GSDME: variants seen among roughly 807,000 people sequenced by gnomAD.
GSDME encodes the protein gasdermin-E.
In GSDME, 44 loss-of-function variants were observed where a neutral mutation model predicts 47.5. That is an observed-to-expected ratio of 0.93 (90% CI 0.73 to 1.19). The LOEUF (loss-of-function observed/expected upper bound fraction) is 1.19. Among genes scored for constraint, GSDME ranks in the 50% most tolerant of loss-of-function variants. GSDME has a pLI of 0.00. For synonymous variants in GSDME, 258 were observed against 252.8 expected, an observed-to-expected ratio of 1.02 and a Z score of -0.20; for missense variants, 663 against 604.2, an observed-to-expected ratio of 1.10 and a Z score of -1.02.
intron 5 of GSDME, 72 bp from the exon 6 acceptor site, chr7:24,710,460 C>A (rs1382667761): frequency 6.7e-7 from 1 of 1,490,118 alleles, no homozygotes; most frequent in Non-Finnish European, 9.4e-7. Flanking sequence ...TGGACAGGGT[C>A]AGCCCAGCCT....
At chr7:24,778,804 C>T in the GSDME span, among the ~76,000 whole-genome samples, 2 of 152,204 alleles carry the variant, frequency 1.3e-5, no homozygotes, top group African/African-American at 4.8e-5. This position sits in a 1 kb window ranked among gnomAD's most constrained non-coding sequence, Gnocchi z 5.6. Context: ...CGTGGCCACT[C>T]CTAGCAGGAA....
In GSDME at chr7:24,742,023, A is replaced by C. The variant is rs1375334667; in HGVS notation, c.404+2539T>G. Among the ~76,000 whole-genome samples the C allele has an allele frequency of 6.6e-6, 1 of 152,078 alleles. No individual in the cohort carries two copies. The highest frequency in any genetic ancestry group is 1.5e-5 in the Non-Finnish European group (1 of 68,002). ...CATGCTTCTGGTGGCACCACTCCCC[A>C]GGGCATCCCTTCCCCCATCACCACT... On this transcript the variant is annotated intron_variant, in intron 3 of 9. Coordinates refer to ENST00000645220, the MANE Select transcript of GSDME (RefSeq NM_001127453.2). The surrounding 1 kb of genome is among the most constrained non-coding windows in gnomAD (Gnocchi z 4.4).
At chr7:24,770,953 A>AAG in the GSDME span, among the ~76,000 whole-genome samples, 3 of 151,726 alleles carry the variant, frequency 2.0e-5, no homozygotes, top group Admixed American at 2.0e-4. The surrounding 1 kb of genome is among the most constrained non-coding windows in gnomAD (Gnocchi z 4.6). Flanking sequence ...GAAATATAAG[A>AAG]AGAGAGAGAG....
rs894048957 is a variant in GSDME, at chr7:24,756,386, G to C, written c.-20+1010C>G. Among the ~76,000 whole-genome samples, 1 of 152,130 alleles carries C rather than the reference G, an allele frequency of 6.6e-6. No homozygotes were observed. The highest frequency in any genetic ancestry group is 1.5e-5 in the Non-Finnish European group (1 of 68,006). The stretch of plus-strand genomic sequence containing the variant: ...AACAATAACAAAGAACCTAGCCAAG[G>C]GACCGTGGCTAGGGGGTTGGGCCCT... On this transcript the variant is annotated intron_variant, in intron 1 of 9. Coordinates refer to ENST00000645220, the MANE Select transcript of GSDME (RefSeq NM_001127453.2). The surrounding 1 kb of genome is among the most constrained non-coding windows in gnomAD (Gnocchi z 4.2).
At chr7:24,707,422 T>C (rs1356603335) in intron 7 of GSDME, 2 of 471,488 alleles carry the variant, frequency 4.2e-6, no homozygotes, top group African/African-American at 2.0e-5. Context: ...AGGATATCCT[T>C]CTGCTGCAAA....
intron 3 of GSDME, among the ~76,000 whole-genome samples, 188 bp from the exon 4 acceptor site, chr7:24,719,406 C>A (rs761312092): frequency 6.6e-6 from 1 of 152,152 alleles, no homozygotes; most frequent in Non-Finnish European, 1.5e-5. Flanking sequence ...GAGGCCACCT[C>A]AGAGCTGCCG....
rs1789386683 is a variant in GSDME at position 24,712,309 on chromosome 7, C to A, written c.698-1921G>T. Among the ~76,000 whole-genome samples, 1 of 152,154 alleles carries A rather than the reference C, an allele frequency of 6.6e-6. No individual in the cohort carries two copies. The highest frequency in any genetic ancestry group is 2.4e-5 in the African/African-American group (1 of 41,432). ...CCTGAGGACAGGAGCCTTGACCATT[C>A]ACACAGCCTCAAATTCTGCCAGAAG... is the stretch of plus-strand genomic sequence containing the variant. On this transcript the variant is annotated intron_variant, in intron 5 of 9. Coordinates refer to ENST00000645220, the MANE Select transcript of GSDME (RefSeq NM_001127453.2). The surrounding 1 kb of genome is among the most constrained non-coding windows in gnomAD (Gnocchi z 4.4).
chr7:24,719,655 T>C (rs111278400), intron 3 of GSDME, among the ~76,000 whole-genome samples: 3,649 of 152,096 alleles, frequency 0.024, 164 homozygotes, highest in African/African-American at 0.084. Flanking sequence ...TAGCCAGGCG[T>C]GGTGGCACAC....
chr7:24,757,695 T>C (rs1394716201), upstream of GSDME: 1 of 152,232 alleles, frequency 6.6e-6, no homozygotes, highest in Non-Finnish European at 1.5e-5. The surrounding 1 kb of genome is among the most constrained non-coding windows in gnomAD (Gnocchi z 5.9). Context: ...CCGCGCGCTT[T>C]TCGGGACTCA....
chr7:24,722,800 G>A (rs1789838015), intron 3 of GSDME, among the ~76,000 whole-genome samples: 1 of 152,242 alleles, frequency 6.6e-6, no homozygotes, highest in African/African-American at 2.4e-5. Context: ...AAAGAGAGGG[G>A]CAGCCATCTA....
At chr7:24,706,065 A>C (rs1713346898) in intron 8 of GSDME, 119 bp downstream of exon 8, 13 of 1,248,492 alleles carry the variant, frequency 1.0e-5, no homozygotes, top group Non-Finnish European at 1.3e-5. Flanking sequence ...CCAGAAGGGA[A>C]GGACCTGTAT....
intron 5 of GSDME, among the ~76,000 whole-genome samples, chr7:24,713,021 A>C (rs927931511): frequency 6.6e-6 from 1 of 151,620 alleles, no homozygotes; most frequent in Non-Finnish European, 1.5e-5. Context: ...TCAGTCTCAA[A>C]AAAAAAAAAA....
At chr7:24,730,949 C>G (rs1562704847) in intron 3 of GSDME, among the ~76,000 whole-genome samples, 1 of 152,218 alleles carries the variant, frequency 6.6e-6, no homozygotes, top group Non-Finnish European at 1.5e-5. Context: ...CACCTTTACA[C>G]TGTGAAAGGA....
At chr7:24,719,621 T>G (rs1789701021) in intron 3 of GSDME, among the ~76,000 whole-genome samples, 1 of 151,478 alleles carries the variant, frequency 6.6e-6, no homozygotes, top group Non-Finnish European at 1.5e-5. Context: ...GGTGAAACCC[T>G]GTCTCCACCA....
At chr7:24,750,054 G>T (rs1171403582) in intron 1 of GSDME, among the ~76,000 whole-genome samples, 2 of 152,190 alleles carry the variant, frequency 1.3e-5, no homozygotes, top group Non-Finnish European at 2.9e-5. Flanking sequence ...TACAATAAGG[G>T]TTTATTTGTT....
Position 24,744,761 on chromosome 7 carries a change from TGGA to T in GSDME, c.212-10_212-8del, listed in dbSNP as rs1790597489. On this transcript the variant is annotated splice_region_variant and splice_polypyrimidine_tract_variant and intron_variant, in intron 2 of 9. Coordinates refer to ENST00000645220, the MANE Select transcript of GSDME (RefSeq NM_001127453.2). This position sits in a 1 kb window ranked among gnomAD's most constrained non-coding sequence, Gnocchi z 4.5. Reference sequence around the variant, plus strand: ...AAGTCCGACTCCACGACCACTGGAATGGAGGAGACGAGCAGAGGAAGCCGATGA... The same window carrying T: ...AAGTCCGACTCCACGACCACTGGAATGGAGACGAGCAGAGGAAGCCGATGA... 1.2e-6 allele frequency: 2 copies of T among 1,613,878 alleles called. No individual in the cohort carries two copies. The highest frequency in any genetic ancestry group is 1.7e-6 in the Non-Finnish European group (2 of 1,180,008).
chr7:24,702,764 T>C lies in GSDME; in HGVS notation c.1253A>G (p.His418Arg), dbSNP rs886062225. Residue 418 changes from histidine (H) to arginine (R), a missense_variant, in exon 9 of 10, where the codon CAC becomes CGC. Coordinates refer to ENST00000645220, the MANE Select transcript of GSDME (RefSeq NM_001127453.2). ...CKLQIIPTLC[H>R]LLRALSDDGV... is the part of the protein sequence containing the mutation. Reference sequence around the variant, plus strand: ...CCCACCTGGGAGGTTGCTTACCAAGTGGCACAGTGTGGGAATGATCTGGAG... The same window carrying C: ...CCCACCTGGGAGGTTGCTTACCAAGCGGCACAGTGTGGGAATGATCTGGAG... 1 of 1,613,280 alleles carries C rather than the reference T, an allele frequency of 6.2e-7. No individual in the cohort carries two copies. Among genetic ancestry groups the C allele is most frequent in the Admixed American group, 1.7e-5 (1 of 59,996 alleles).
chr7:24,698,811 C>T lies in GSDME; in HGVS notation c.*215G>A. 3.4e-6 allele frequency: 2 copies of T among 580,312 alleles called. No homozygotes were observed. The highest frequency in any genetic ancestry group is 6.2e-6 in the Non-Finnish European group (2 of 322,754). 35.9% of individuals were successfully genotyped at this position (580,312 alleles called of 1,614,324 possible). The stretch of plus-strand genomic sequence containing the variant: ...TACATGCTGGAACCTAACTCAGATG[C>T]TGGGTCACCAGCACAGGAGGGCCTC... On this transcript the variant is annotated 3_prime_UTR_variant, in exon 10 of 10. Coordinates refer to ENST00000645220, the MANE Select transcript of GSDME (RefSeq NM_001127453.2).
rs1790206272 is a variant in GSDME, at chr7:24,733,404, G to A, written c.404+11158C>T. 1.3e-5 allele frequency among the ~76,000 whole-genome samples: 2 copies of A among 152,174 alleles called. No individual in the cohort carries two copies. The highest frequency in any genetic ancestry group is 4.2e-4 in the South Asian group (2 of 4,816). Reference sequence around the variant, plus strand: ...ATTCCTTCTGCTTGAGAAAAGCAGAGAGAAAAGAGGACTTTGTCTTGCAGC... The same window carrying A: ...ATTCCTTCTGCTTGAGAAAAGCAGAAAGAAAAGAGGACTTTGTCTTGCAGC... On this transcript the variant is annotated intron_variant, in intron 3 of 9. Coordinates refer to ENST00000645220, the MANE Select transcript of GSDME (RefSeq NM_001127453.2). This position sits in a 1 kb window ranked among gnomAD's most constrained non-coding sequence, Gnocchi z 4.3.
Sources: allele counts gnomAD v4.1 joint callset (sites outside exome capture counted in the v4.1 genomes callset), GRCh38; gene constraint gnomAD v4.1.1; non-coding constraint Gnocchi (gnomAD v3.1); transcripts MANE v1.5; gene names NCBI Gene and HGNC (gene_info 2026-07-23, HGNC 2026-07-21).